CDK14: variants seen among roughly 807,000 people sequenced by gnomAD.
CDK14 encodes the protein cyclin dependent kinase 14.
In CDK14, 34 loss-of-function variants were observed where a neutral mutation model predicts 60.7. The observed-to-expected ratio is 0.56, with a 90% CI of 0.43 to 0.75. The LOEUF (loss-of-function observed/expected upper bound fraction) is 0.75. Ranked by LOEUF, CDK14 falls within the 30% of genes least tolerant of loss-of-function variation. The pLI, the probability that CDK14 is intolerant of heterozygous loss-of-function variation, is 0.00. For synonymous variants in CDK14, 197 were observed against 203.7 expected, an observed-to-expected ratio of 0.97 and a Z score of 0.28; for missense variants, 482 against 564.1, an observed-to-expected ratio of 0.85 and a Z score of 1.47.
chr7:90,870,643 G>GT (rs1791341357), intron 6 of CDK14, among the ~76,000 whole-genome samples: 1 of 152,044 alleles, frequency 6.6e-6, no homozygotes, highest in Non-Finnish European at 1.5e-5. Flanking sequence ...TCATTATCTA[G>GT]TCCCAGATAA....
chr7:90,738,885 T>C lies in CDK14; in HGVS notation c.370-8796T>C, dbSNP rs534108710. Reference sequence around the variant, plus strand: ...TTTAATTATAAACAAAAATCTCTCCTTCTGAATTATTCTTTTTTTTTTACT... The same window carrying C: ...TTTAATTATAAACAAAAATCTCTCCCTCTGAATTATTCTTTTTTTTTTACT... On this transcript the variant is annotated intron_variant, in intron 3 of 14. Coordinates refer to ENST00000380050, the MANE Select transcript of CDK14 (RefSeq NM_001287135.2). 2.7e-3 allele frequency among the ~76,000 whole-genome samples: 231 copies of C among 86,646 alleles called. 1 individual carries two copies. Among genetic ancestry groups the C allele is most frequent in the African/African-American group, 0.011 (226 of 20,690 alleles). The allele number at this position is 86,646 out of a possible 152,430, so 56.8% of individuals were successfully genotyped here.
At chr7:90,866,273 C>CAGAG (rs1554358740) in intron 6 of CDK14, among the ~76,000 whole-genome samples, 2 of 148,346 alleles carry the variant, frequency 1.3e-5, no homozygotes, top group African/African-American at 5.0e-5. Context: ...CACACACACA[C>CAGAG]AGAACTTTGT....
In CDK14 at chr7:90,920,998, A is replaced by G. The variant is rs559486608; in HGVS notation, c.826+3274A>G. ...CCCTTACCTGAGCCTTATTTTCTAT[A>G]TGCATTTTGAATAAGTAAATTACAC... is the stretch of plus-strand genomic sequence containing the variant. On this transcript the variant is annotated intron_variant, in intron 8 of 14. Coordinates refer to ENST00000380050, the MANE Select transcript of CDK14 (RefSeq NM_001287135.2). Among the ~76,000 whole-genome samples the G allele has an allele frequency of 6.6e-5, 10 of 152,160 alleles. No individual in the cohort carries two copies. The East Asian group carries it at 1.5e-3, about 24-fold the overall frequency.
intron 4 of CDK14, among the ~76,000 whole-genome samples, chr7:90,764,228 A>G (rs1245122061): frequency 6.6e-6 from 1 of 152,242 alleles, no homozygotes; most frequent in Non-Finnish European, 1.5e-5. Context: ...AAGGTCTGGC[A>G]ATTAGACATG....
At chr7:91,195,661 C>G (rs374489426) in intron 14 of CDK14, among the ~76,000 whole-genome samples, 1 of 152,186 alleles carries the variant, frequency 6.6e-6, no homozygotes, top group Non-Finnish European at 1.5e-5. Flanking sequence ...ATTTGAAGAA[C>G]CAGCTGCATT....
At chr7:90,900,738 C>T (rs1792481397) in intron 7 of CDK14, among the ~76,000 whole-genome samples, 1 of 152,186 alleles carries the variant, frequency 6.6e-6, no homozygotes, top group East Asian at 1.9e-4. Flanking sequence ...CTAACTTTGA[C>T]TTCCTGACTT....
chr7:90,616,551 C>T lies in CDK14; in HGVS notation c.123+12302C>T, dbSNP rs1799653485. 2.6e-5 allele frequency among the ~76,000 whole-genome samples: 4 copies of T among 152,122 alleles called. No homozygotes were observed. In the South Asian group the frequency reaches 8.3e-4, roughly 32 times the overall value. On this transcript the variant is annotated intron_variant, in intron 2 of 14. Transcript: ENST00000380050. ...TATTGGGGTTCAGGTGTGCAAAAGG[C>T]TTGGTAACATATGGCTTGTCCCCAG... is the stretch of plus-strand genomic sequence containing the variant.
At chr7:90,955,848 C>T in intron 9 of CDK14, 31 bp downstream of exon 9, 1 of 1,610,108 alleles carries the variant, frequency 6.2e-7, no homozygotes, top group Non-Finnish European at 8.5e-7. Context: ...TCTAGCTAAT[C>T]TATCTGTAGT....
chr7:90,959,756 C>T (rs754987478), intron 9 of CDK14, among the ~76,000 whole-genome samples: 1 of 152,198 alleles, frequency 6.6e-6, no homozygotes, highest in Non-Finnish European at 1.5e-5. Context: ...GGCCGTGTTA[C>T]GATTTCCTCC....
At chr7:90,775,053 G>A (rs1277865365) in intron 4 of CDK14, among the ~76,000 whole-genome samples, 3 of 152,130 alleles carry the variant, frequency 2.0e-5, no homozygotes, top group Non-Finnish European at 4.4e-5. Context: ...TTTCATGAGA[G>A]TGGAAACTTG....
rs142783442 is a variant in CDK14, at chr7:90,990,400, T to A, written c.1041+6159T>A. Reference sequence around the variant, plus strand: ...ATTGAAAATATTAAGCTACAATTTTTAAATCAATTTTAGAAAAACAAATAG... The same window carrying A: ...ATTGAAAATATTAAGCTACAATTTTAAAATCAATTTTAGAAAAACAAATAG... On this transcript the variant is annotated intron_variant, in intron 10 of 14. Coordinates refer to ENST00000380050, the MANE Select transcript of CDK14 (RefSeq NM_001287135.2). 3.3e-4 allele frequency among the ~76,000 whole-genome samples: 50 copies of A among 152,346 alleles called. No individual in the cohort carries two copies. The East Asian group carries it at 8.5e-3, about 26-fold the overall frequency.
chr7:90,756,746 A>G (rs755883732), intron 4 of CDK14, among the ~76,000 whole-genome samples: 6 of 152,200 alleles, frequency 3.9e-5, no homozygotes, highest in Admixed American at 3.3e-4. Context: ...CCCTGTTCCA[A>G]TACTCCTCAC....
intron 5 of CDK14, among the ~76,000 whole-genome samples, chr7:90,806,078 G>C (rs1415333228): frequency 6.6e-6 from 1 of 152,056 alleles, no homozygotes; most frequent in Non-Finnish European, 1.5e-5. Context: ...ATGACAATTG[G>C]ATATTCAAAT....
chr7:90,826,590 A>G (rs942319059), intron 5 of CDK14, among the ~76,000 whole-genome samples: 11 of 152,220 alleles, frequency 7.2e-5, no homozygotes, highest in African/African-American at 2.7e-4. Context: ...TAGTTCTAGC[A>G]GGAAGGCAAG....
At chr7:90,639,338 C>A (rs1412905749) in intron 2 of CDK14, among the ~76,000 whole-genome samples, 3 of 151,892 alleles carry the variant, frequency 2.0e-5, no homozygotes, top group Non-Finnish European at 4.4e-5. Flanking sequence ...GTTAGTTTTC[C>A]TTCTAACAGA....
intron 14 of CDK14, among the ~76,000 whole-genome samples, chr7:91,197,122 G>A (rs755443116): frequency 6.6e-5 from 10 of 152,168 alleles, no homozygotes; most frequent in Non-Finnish European, 1.0e-4. Flanking sequence ...ATCCTAGGCC[G>A]GGAGTGGTGG....
intron 7 of CDK14, among the ~76,000 whole-genome samples, chr7:90,905,252 A>G (rs1472903773): frequency 2.0e-5 from 3 of 152,176 alleles, no homozygotes; most frequent in Non-Finnish European, 4.4e-5. Context: ...TTAGTAAAGG[A>G]GATAAAATTG....
At position 91,132,545 on chromosome 7, in the gene CDK14, T is replaced by A. The variant is rs141042108; in HGVS notation, c.*28+14337T>A. Among the ~76,000 whole-genome samples, 17 of 152,288 alleles carry A rather than the reference T, an allele frequency of 1.1e-4. No individual in the cohort carries two copies. The East Asian group carries it at 3.3e-3, about 29-fold the overall frequency. ...CAGAAGAACCAAAACATCTTCAAGC[T>A]GAGAGATCCTTTAGGAATCATTTAA... On this transcript the variant is annotated intron_variant, in intron 14 of 14. Transcript: ENST00000380050.
At position 90,649,401 on chromosome 7, in the gene CDK14, CTTTCT is replaced by C. The variant is rs1563030159; in HGVS notation, c.123+45155_123+45159del. The stretch of plus-strand genomic sequence containing the variant: ...TCCTTCCTTCCTTCCTTCCTTCTTT[CTTTCT>C]TTCTTTCTTTCTTTCCTTCTTTCTT... On this transcript the variant is annotated intron_variant, in intron 2 of 14. Transcript: ENST00000380050. 9.1e-5 allele frequency among the ~76,000 whole-genome samples: 9 copies of C among 98,656 alleles called. 1 individual carries two copies. Among genetic ancestry groups the C allele is most frequent in the African/African-American group, 3.6e-4 (8 of 22,030 alleles). The allele number at this position is 98,656 out of a possible 152,430, so 64.7% of individuals were successfully genotyped here. A position where few individuals can be genotyped will look rare whatever the true frequency, so the allele number is the denominator to read the frequency against.
Sources: allele counts gnomAD v4.1 joint callset (sites outside exome capture counted in the v4.1 genomes callset), GRCh38; gene constraint gnomAD v4.1.1; transcripts MANE v1.5; gene names NCBI Gene and HGNC (gene_info 2026-07-23, HGNC 2026-07-21).